The following ITK variants were observed in gnomAD, a reference collection of about 807,000 sequenced individuals.
ITK encodes the protein tyrosine-protein kinase ITK/TSK.
Under a neutral mutation model 87.6 loss-of-function variants are expected in ITK, and 45 were observed. The observed-to-expected ratio is 0.51, with a 90% CI of 0.40 to 0.66. The LOEUF is 0.66. ITK is among the 30% of genes least tolerant of loss of function. The pLI, the probability that ITK is intolerant of heterozygous loss-of-function variation, is 0.00. For synonymous variants in ITK, 303 were observed against 273.6 expected, an observed-to-expected ratio of 1.11 and a Z score of -1.06; for missense variants, 605 against 766.3, an observed-to-expected ratio of 0.79 and a Z score of 2.48.
At chr5:157,216,032 G>A (rs1754292167) in intron 4 of ITK, among the ~76,000 whole-genome samples, 1 of 152,202 alleles carries the variant, frequency 6.6e-6, no homozygotes, top group African/African-American at 2.4e-5. Flanking sequence ...GGGTCCTGCT[G>A]TGGTTGTCAT....
chr5:157,212,094 G>A (rs1245160025), intron 3 of ITK, among the ~76,000 whole-genome samples: 2 of 152,176 alleles, frequency 1.3e-5, no homozygotes, highest in Non-Finnish European at 2.9e-5. Flanking sequence ...CTCTGCCAAT[G>A]ATTAGCATGT....
chr5:157,193,875 AT>A (rs11381722), intron 1 of ITK, among the ~76,000 whole-genome samples: 1 of 152,060 alleles, frequency 6.6e-6, no homozygotes, highest in Non-Finnish European at 1.5e-5. Flanking sequence ...AACAGCAACA[AT>A]TTTTTTTAAA....
rs892285662 is a variant in ITK at position 157,231,911 on chromosome 5, AG to A, written c.714-428del. 9.2e-4 allele frequency among the ~76,000 whole-genome samples: 140 copies of A among 152,356 alleles called. 1 individual carries two copies. In the Middle Eastern group the frequency reaches 0.01, roughly 11 times the overall value. ...GGTATTACAATTTTATAGCTGCACT[AG>A]CACCCTCCTCCTTATAACGAACTGT... On this transcript the variant is annotated intron_variant, in intron 7 of 16. Transcript: ENST00000422843.
intron 1 of ITK, among the ~76,000 whole-genome samples, chr5:157,202,006 C>T (rs1308191902): frequency 2.6e-5 from 4 of 152,090 alleles, no homozygotes; most frequent in African/African-American, 9.7e-5. Flanking sequence ...GAGTAGGTGC[C>T]GGTATCTGTG....
At chr5:157,251,340 C>G (rs576167591) in intron 16 of ITK, among the ~76,000 whole-genome samples, 3 of 152,272 alleles carry the variant, frequency 2.0e-5, no homozygotes, top group African/African-American at 7.2e-5. Context: ...ATTTCTCAAT[C>G]AGGTTGTTTG....
At chr5:157,199,532 A>G (rs1753921090) in intron 1 of ITK, 1 of 152,232 alleles carries the variant, frequency 6.6e-6, no homozygotes, top group Non-Finnish European at 1.5e-5. Flanking sequence ...GAAATGGGTC[A>G]CACAATTGAT....
chr5:157,227,813 T>C (rs1376993568), intron 6 of ITK, among the ~76,000 whole-genome samples: 1 of 150,192 alleles, frequency 6.7e-6, no homozygotes, highest in African/African-American at 2.5e-5. Flanking sequence ...TATTATTTTT[T>C]ACCAATTCCT....
rs773691716 is a variant in ITK at position 157,243,686 on chromosome 5, G to C, written c.1124G>C (p.Gly375Ala). The C allele has an allele frequency of 6.2e-7, 1 of 1,613,660 alleles. No individual in the cohort carries two copies. Among genetic ancestry groups the C allele is most frequent in the Non-Finnish European group, 8.5e-7 (1 of 1,179,948 alleles). Residue 375 changes from glycine to alanine, a missense_variant, in exon 12 of 17, where the codon GGG becomes GCG. Gly to Ala is a moderately conservative substitution (Grantham distance 60). Coordinates refer to ENST00000422843, the MANE Select transcript of ITK (RefSeq NM_005546.4). ...FVQEIGSGQF[G>A]LVHLGYWLNK... The stretch of plus-strand genomic sequence containing the variant: ...CAAGAGATTGGCAGTGGGCAATTTG[G>C]GTTGGTGCATCTGGGCTACTGGCTC...
At chr5:157,220,904 G>T (rs997343897) in intron 5 of ITK, among the ~76,000 whole-genome samples, 1 of 152,110 alleles carries the variant, frequency 6.6e-6, no homozygotes, top group Non-Finnish European at 1.5e-5. Context: ...TGTTGCCCAG[G>T]CTGGAATGCA....
chr5:157,209,046 T>C (rs1352881928), intron 2 of ITK, 53 bp downstream of exon 2: 6 of 1,231,418 alleles, frequency 4.9e-6, no homozygotes, highest in African/African-American at 1.5e-5. Flanking sequence ...GTTAAAATCT[T>C]CAGTCACAGC....
At chr5:157,200,983 G>A (rs1753958551) in intron 1 of ITK, among the ~76,000 whole-genome samples, 1 of 152,108 alleles carries the variant, frequency 6.6e-6, no homozygotes, top group South Asian at 2.1e-4. Flanking sequence ...TTTTTGTGTG[G>A]ATAACAATTT....
chr5:157,233,371 C>G (rs565647604), intron 8 of ITK, among the ~76,000 whole-genome samples: 1 of 152,188 alleles, frequency 6.6e-6, no homozygotes, highest in African/African-American at 2.4e-5. Flanking sequence ...AAGGTAAACT[C>G]CAGAGGAGTT....
At chr5:157,208,508 A>G (rs773545991) in intron 1 of ITK, among the ~76,000 whole-genome samples, 20 of 152,228 alleles carry the variant, frequency 1.3e-4, no homozygotes, top group Non-Finnish European at 5.9e-5. Context: ...GAGCTCAATT[A>G]CTATGCTAAT....
intron 7 of ITK, among the ~76,000 whole-genome samples, chr5:157,229,922 A>T (rs921248233): frequency 1.3e-5 from 2 of 152,242 alleles, no homozygotes; most frequent in African/African-American, 4.8e-5. Flanking sequence ...CTCAAAAAAA[A>T]TAATAGTAAT....
At chr5:157,226,087 G>A (rs953527678) in intron 6 of ITK, among the ~76,000 whole-genome samples, 2 of 152,142 alleles carry the variant, frequency 1.3e-5, no homozygotes, top group East Asian at 1.9e-4. Context: ...AGAGGACTTG[G>A]ACTTTATCAG....
intron 1 of ITK, among the ~76,000 whole-genome samples, chr5:157,198,532 C>T (rs758299597): frequency 1.2e-4 from 18 of 152,028 alleles, no homozygotes; most frequent in Non-Finnish European, 2.2e-4. Context: ...AAGAGAGAAA[C>T]GAAGACAGGT....
intron 1 of ITK, among the ~76,000 whole-genome samples, chr5:157,191,333 C>G (rs902068962): frequency 2.6e-5 from 4 of 152,050 alleles, no homozygotes; most frequent in Non-Finnish European, 5.9e-5. Context: ...GGTGTATAAC[C>G]TGCGTCAGGA....
chr5:157,228,880 G>T (rs1488708753), intron 7 of ITK, among the ~76,000 whole-genome samples: 1 of 152,088 alleles, frequency 6.6e-6, no homozygotes, highest in Non-Finnish European at 1.5e-5. Flanking sequence ...CTCCCATTAT[G>T]GCCTCCCAAA....
intron 8 of ITK, among the ~76,000 whole-genome samples, chr5:157,233,161 C>T (rs1407404338): frequency 2.0e-5 from 3 of 152,106 alleles, no homozygotes; most frequent in Non-Finnish European, 2.9e-5. Context: ...TCTCTTCTTC[C>T]TTCTGGGCCT....
Sources: allele counts gnomAD v4.1 joint callset (sites outside exome capture counted in the v4.1 genomes callset), GRCh38; gene constraint gnomAD v4.1.1; transcripts MANE v1.5; gene names NCBI Gene and HGNC (gene_info 2026-07-23, HGNC 2026-07-21).